SETD5: variants seen among roughly 807,000 people sequenced by gnomAD.
The protein encoded by SETD5 is SET domain containing 5.
A neutral mutation model predicts 153.3 loss-of-function variants in SETD5; 44 were observed. That is an observed-to-expected ratio of 0.29 (90% CI 0.23 to 0.37). The LOEUF is 0.37. Ranked by LOEUF, SETD5 falls within the 10% of genes least tolerant of loss-of-function variation. The pLI is 1.00. For synonymous variants in SETD5, 716 were observed against 645.2 expected (o/e 1.11, Z -1.66); for missense variants, 1,544 against 1,768.0 (o/e 0.87, Z 2.27).
At position 9,474,561 on chromosome 3, in the gene SETD5, A is replaced by T. The variant is rs776405933; in HGVS notation, c.3610A>T (p.Asn1204Tyr). ...KGEPSPTWES[N>Y]ITEKDSDPAD... is the part of the protein sequence containing the mutation. ...AGAGCCCTCTCCCACATGGGAGAGT[A>T]ACATCACAGAGAAAGACTCAGGTGA... The change falls in exon 21 of 23, where the codon AAC becomes TAC. Residue 1204 changes from asparagine to tyrosine, a missense_variant. Physicochemically the swap from Asn to Tyr is moderately radical, Grantham distance 143 (BLOSUM62 -2). Around this residue, in one of 9 missense-constraint regions of SETD5, gnomAD observed 38 missense variants for 71.4 expected, o/e 0.53. Transcript: ENST00000402198. The T allele has an allele frequency of 8.8e-5, 142 of 1,613,780 alleles. No homozygotes were observed. The highest frequency in any genetic ancestry group is 1.2e-4 in the Non-Finnish European group (141 of 1,179,876).
intron 18 of SETD5, among the ~76,000 whole-genome samples, chr3:9,469,474 A>G (rs1174009847): frequency 1.3e-5 from 2 of 152,204 alleles, no homozygotes; most frequent in Non-Finnish European, 2.9e-5. Context: ...GTGACAGTCT[A>G]CTAAGTTCTG....
chr3:9,405,176 T>C (rs2035458003), intron 1 of SETD5, among the ~76,000 whole-genome samples: 1 of 152,234 alleles, frequency 6.6e-6, no homozygotes, highest in South Asian at 2.1e-4. Flanking sequence ...ATTCTCAGCC[T>C]TACAGAAAGA....
chr3:9,445,965 G>GGTTT (rs2041907619), intron 13 of SETD5, among the ~76,000 whole-genome samples: 10 of 86,436 alleles, frequency 1.2e-4, no homozygotes, highest in African/African-American at 4.7e-4. Flanking sequence ...TGAAGAGGTT[G>GGTTT]TTTTTTTTTT....
At chr3:9,405,333 T>C (rs995427390) in intron 1 of SETD5, among the ~76,000 whole-genome samples, 1 of 152,220 alleles carries the variant, frequency 6.6e-6, no homozygotes, top group Admixed American at 6.5e-5. Flanking sequence ...TTTGTATAAA[T>C]CTGATTTATG....
At chr3:9,402,796 G>T (rs1311160509) in intron 1 of SETD5, among the ~76,000 whole-genome samples, 1 of 152,180 alleles carries the variant, frequency 6.6e-6, no homozygotes, top group Admixed American at 6.5e-5. Flanking sequence ...TCAAGTTTTT[G>T]ATTTGTGCTA....
In SETD5 at chr3:9,475,677, T is replaced by C; in HGVS notation, c.3915T>C (p.Pro1305=). The change falls in exon 23 of 23, where the codon CCT becomes CCC. Residue 1305 remains proline, a synonymous_variant. Coordinates refer to ENST00000402198, the MANE Select transcript of SETD5 (RefSeq NM_001080517.3). The stretch of plus-strand genomic sequence containing the variant: ...CGTCCTATTCCAGCCCCGCCCACCC[T>C]GTGTCCACAGACTCGTTGGCCCCAT... The part of the protein sequence containing the change: ...SSTSYSSPAH[P]VSTDSLAPFT... The C allele has an allele frequency of 6.2e-7, 1 of 1,614,012 alleles. No individual in the cohort carries two copies. Among genetic ancestry groups the C allele is most frequent in the Non-Finnish European group, 8.5e-7 (1 of 1,179,880 alleles).
chr3:9,430,414 TA>T, intron 3 of SETD5: 2 of 879,622 alleles, frequency 2.3e-6, no homozygotes, highest in Non-Finnish European at 2.7e-6. Context: ...TTGTTTCTTC[TA>T]GAGCTTTTTT....
chr3:9,427,750 TC>T (rs974555837), intron 2 of SETD5, among the ~76,000 whole-genome samples: 5 of 152,220 alleles, frequency 3.3e-5, no homozygotes, highest in Admixed American at 2.6e-4. Context: ...TTGACTTTAT[TC>T]CCCCCCAAAT....
chr3:9,414,812 TG>T (rs1392775334), intron 1 of SETD5, among the ~76,000 whole-genome samples: 1 of 152,028 alleles, frequency 6.6e-6, no homozygotes, highest in Non-Finnish European at 1.5e-5. Flanking sequence ...ATCTGGAGCA[TG>T]GATTTTTTTT....
chr3:9,435,540 C>G (rs557700754), intron 6 of SETD5, among the ~76,000 whole-genome samples, 188 bp from the exon 7 acceptor site: 53 of 152,306 alleles, frequency 3.5e-4, no homozygotes, highest in African/African-American at 1.1e-3. Flanking sequence ...GGTTTATATG[C>G]TTAATGCCAA....
chr3:9,470,677 C>T lies in SETD5; in HGVS notation c.2943C>T (p.Phe981=). The T allele has an allele frequency of 1.2e-6, 2 of 1,613,954 alleles. No individual in the cohort carries two copies. The highest frequency in any genetic ancestry group is 1.7e-5 in the Admixed American group (1 of 60,026). Residue 981 remains phenylalanine, a synonymous_variant, in exon 19 of 23, where the codon TTC becomes TTT. Transcript: ENST00000402198. ...RNSDQAFRTE[F]NLMYAYSPLN... Reference sequence around the variant, plus strand: ...CAGACCAGGCATTTCGGACAGAGTTCAACTTGATGTATGCCTACTCCCCTT... The same window carrying T: ...CAGACCAGGCATTTCGGACAGAGTTTAACTTGATGTATGCCTACTCCCCTT...
intron 2 of SETD5, among the ~76,000 whole-genome samples, chr3:9,425,055 CTTTTTTTTTTTTT>C (rs778883904): frequency 2.6e-4 from 22 of 83,684 alleles, no homozygotes; most frequent in Non-Finnish European, 4.8e-4. Flanking sequence ...GACAATGTTT[CTTTTTTTTTTTTT>C]TTTTTTTTTT....
At chr3:9,441,535 G>T in intron 8 of SETD5, 58 bp from the exon 9 acceptor site, 6 of 1,488,350 alleles carry the variant, frequency 4.0e-6, no homozygotes, top group Non-Finnish European at 5.6e-6. Flanking sequence ...GAAGTAATTT[G>T]AGTGTCTACT....
intron 17 of SETD5, among the ~76,000 whole-genome samples, chr3:9,454,401 C>G (rs979599847): frequency 2.0e-5 from 3 of 152,078 alleles, no homozygotes; most frequent in Admixed American, 6.5e-5. Flanking sequence ...GGTGGATCAC[C>G]TGAGGTCAGG....
intron 17 of SETD5, among the ~76,000 whole-genome samples, chr3:9,459,037 C>T (rs1039183378): frequency 2.6e-5 from 4 of 152,020 alleles, no homozygotes; most frequent in Non-Finnish European, 5.9e-5. Context: ...CTTCAGGATT[C>T]GACAAACTCT....
chr3:9,419,015 C>T (rs2728933), intron 1 of SETD5, among the ~76,000 whole-genome samples: 3 of 151,864 alleles, frequency 2.0e-5, no homozygotes, highest in East Asian at 2.0e-4. Context: ...TTAGTAGAGA[C>T]GGGGTTTCAT....
chr3:9,414,077 GAC>G (rs1361867642), intron 1 of SETD5, among the ~76,000 whole-genome samples: 20 of 152,142 alleles, frequency 1.3e-4, no homozygotes, highest in Admixed American at 6.5e-5. Context: ...TCCTGGCCAA[GAC>G]CTAGAAGTTT....
At chr3:9,398,469 C>G (rs539736062) in intron 1 of SETD5, 1 of 152,112 alleles carries the variant, frequency 6.6e-6, no homozygotes, top group African/African-American at 2.4e-5. Flanking sequence ...TGGACGCCTT[C>G]CCTCTCGTTT....
Position 9,468,011 on chromosome 3 carries a change from A to G in SETD5, c.2725-2448A>G, listed in dbSNP as rs1286449857. Among the ~76,000 whole-genome samples, 3 of 151,206 alleles carry G rather than the reference A, an allele frequency of 2.0e-5. No individual in the cohort carries two copies. The East Asian group carries it at 5.9e-4, about 30-fold the overall frequency. ...AGAGGAACTGGCCATCTCCCTAACC[A>G]TGTCAGCCCCCAGCACACTAATGTC... On this transcript the variant is annotated intron_variant, in intron 18 of 22. Coordinates refer to ENST00000402198, the MANE Select transcript of SETD5 (RefSeq NM_001080517.3).
Sources: gnomAD v4.1 joint callset for allele counts (sites outside exome capture counted in the v4.1 genomes callset) on GRCh38, gnomAD v4.1.1 for gene constraint, gnomAD v4.1.1 regional missense constraint, MANE v1.5 for transcripts, NCBI Gene and HGNC (gene_info 2026-07-23, HGNC 2026-07-21) for gene names.